PLSCR5: variants seen among roughly 807,000 people sequenced by gnomAD.
PLSCR5 encodes phospholipid scramblase family, member 5.
A neutral mutation model predicts 33.6 loss-of-function variants in PLSCR5; 44 were observed. That is an observed-to-expected ratio of 1.31 (90% CI 1.03 to 1.69). The LOEUF is 1.69. Ranked by LOEUF, PLSCR5 falls within the 40% of genes most tolerant of loss-of-function variation. The pLI, the probability that PLSCR5 is intolerant of heterozygous loss-of-function variation, is 0.00. For missense variants in PLSCR5, 375 were observed against 318.7 expected, an observed-to-expected ratio of 1.18 and a Z score of -1.34; for synonymous variants, 148 against 112.3, an observed-to-expected ratio of 1.32 and a Z score of -2.01.
intron 7 of PLSCR5, among the ~76,000 whole-genome samples, chr3:146,577,412 A>G (rs945073727): frequency 1.3e-5 from 2 of 152,130 alleles, no homozygotes; most frequent in African/African-American, 4.8e-5. Context: ...ACCAAAAATG[A>G]GTGGATTTTC....
chr3:146,586,293 G>A (rs1024428660), intron 6 of PLSCR5, among the ~76,000 whole-genome samples, 181 bp from the exon 7 acceptor site: 1 of 152,134 alleles, frequency 6.6e-6, no homozygotes, highest in African/African-American at 2.4e-5. Flanking sequence ...TTATTTTCAT[G>A]TTGAATTTTC....
chr3:146,604,719 G>C (rs529738139), intron 1 of PLSCR5, among the ~76,000 whole-genome samples: 1 of 151,966 alleles, frequency 6.6e-6, no homozygotes, highest in East Asian at 1.9e-4. Flanking sequence ...AATTCACATT[G>C]CCTGCTTGTA....
intron 2 of PLSCR5, among the ~76,000 whole-genome samples, chr3:146,599,804 G>A (rs531190450): frequency 2.8e-4 from 43 of 151,556 alleles, no homozygotes; most frequent in African/African-American, 9.4e-4. Context: ...TCAGCATCCC[G>A]AGTAGCTAGG....
At chr3:146,584,825 C>T (rs1201681744), downstream of PLSCR5, among the ~76,000 whole-genome samples, 10 of 152,110 alleles carry the variant, frequency 6.6e-5, no homozygotes. Context: ...AAATGATCAT[C>T]TCCTAATTTC....
At chr3:146,593,798 C>T in intron 4 of PLSCR5, 122 bp downstream of exon 4, 1 of 896,314 alleles carries the variant, frequency 1.1e-6, no homozygotes, top group Non-Finnish European at 1.7e-6. Context: ...AAAGGAGCAA[C>T]ATACTATTAA....
intron 4 of PLSCR5, among the ~76,000 whole-genome samples, chr3:146,593,258 T>A (rs924730580): frequency 6.6e-6 from 1 of 152,150 alleles, no homozygotes; most frequent in Non-Finnish European, 1.5e-5. Flanking sequence ...TCCTAGAGAT[T>A]TCATGATTCT....
At chr3:146,593,792 G>A (rs975770600) in intron 4 of PLSCR5, 128 bp downstream of exon 4, 1 of 853,568 alleles carries the variant, frequency 1.2e-6, no homozygotes. Context: ...GATCCTAAAG[G>A]AGCAACATAC....
rs780618057 is a variant in PLSCR5, at chr3:146,591,796, T to A, written c.539A>T (p.Asn180Ile). 1.2e-6 allele frequency: 2 copies of A among 1,612,302 alleles called. No individual in the cohort carries two copies. Among genetic ancestry groups the A allele is most frequent in the Non-Finnish European group, 1.7e-6 (2 of 1,178,984 alleles). The change falls in exon 5 of 8, where the codon AAT becomes ATT. Residue 180 changes from asparagine to isoleucine, a missense_variant. Asn to Ile is a moderately radical substitution (Grantham distance 149). Transcript: ENST00000443512. ...TTTCAAAATATCTTCTTTGTTTGCA[T>A]TTTGGATTGTGAATTTAGGCAGAAA... ...DPFLPKFTIQNANKEDILKIV... is the reference protein window; with the variant it reads ...DPFLPKFTIQIANKEDILKIV...
At chr3:146,604,438 A>G (rs1050578226) in intron 1 of PLSCR5, among the ~76,000 whole-genome samples, 3 of 152,118 alleles carry the variant, frequency 2.0e-5, no homozygotes, top group Non-Finnish European at 4.4e-5. Context: ...CTGTGCGCTT[A>G]AAGCAGATAT....
chr3:146,601,132 T>C (rs1158338441), intron 1 of PLSCR5, among the ~76,000 whole-genome samples: 5 of 151,634 alleles, frequency 3.3e-5, no homozygotes, highest in Admixed American at 2.0e-4. Context: ...AGAAGACATC[T>C]GTTTTCTATA....
In PLSCR5 at chr3:146,589,804, A is replaced by T. The variant is rs200251288; in HGVS notation, c.626T>A (p.Ile209Asn). Residue 209 changes from isoleucine to asparagine, a missense_variant, in exon 6 of 8, where the codon ATT (isoleucine) becomes AAT (asparagine). By Grantham distance (149) the Ile-to-Asn change is moderately radical. Transcript: ENST00000443512. ...FGDVDFEVKT[I>N]NEKLTIGKIS... The stretch of plus-strand genomic sequence containing the variant: ...CTTCCCAATTGTAAGCTTTTCATTA[A>T]TGGTTTTCACCTTTAGAAAGAAAAT... 36 of 1,543,922 alleles carry T rather than the reference A, an allele frequency of 2.3e-5. No homozygotes were observed. The African/African-American group carries it at 2.9e-4, about 12-fold the overall frequency.
At chr3:146,595,330 C>A (rs1388055525) in intron 2 of PLSCR5, among the ~76,000 whole-genome samples, 1 of 152,024 alleles carries the variant, frequency 6.6e-6, no homozygotes, top group African/African-American at 2.4e-5. Flanking sequence ...ATAAGAATAG[C>A]AACGGGGCTG....
chr3:146,579,665 A>G (rs1439800074), intron 7 of PLSCR5, among the ~76,000 whole-genome samples: 4 of 152,212 alleles, frequency 2.6e-5, no homozygotes, highest in African/African-American at 9.6e-5. Context: ...ATACTTGTCA[A>G]TTCGCTCAGA....
At position 146,587,893 on chromosome 3, in the gene PLSCR5, C is replaced by T. The variant is rs1378641258; in HGVS notation, c.777+1760G>A. Reference sequence around the variant, plus strand: ...ATATGTATATATGCATATATATATACATATATATCTATGTATTAAATTCTG... The same window carrying T: ...ATATGTATATATGCATATATATATATATATATATCTATGTATTAAATTCTG... On this transcript the variant is annotated intron_variant, in intron 6 of 7. Transcript: ENST00000443512. Among the ~76,000 whole-genome samples the T allele has an allele frequency of 1.3e-4, 20 of 151,290 alleles. 1 individual carries two copies. Among genetic ancestry groups the T allele is most frequent in the Non-Finnish European group, 1.5e-5 (1 of 67,878 alleles).
At chr3:146,594,162 T>A (rs918874926) in intron 3 of PLSCR5, 22 bp from the exon 4 acceptor site, 1 of 1,542,120 alleles carries the variant, frequency 6.5e-7, no homozygotes, top group Non-Finnish European at 8.9e-7. Flanking sequence ...AAAAAAAAAT[T>A]ATAAAAACAT....
rs1576826375 is a variant in PLSCR5 at position 146,605,205 on chromosome 3, G to A, written c.8C>T (p.Ser3Phe). 1.2e-6 allele frequency: 2 copies of A among 1,610,906 alleles called. No homozygotes were observed. Among genetic ancestry groups the A allele is most frequent in the Middle Eastern group, 1.7e-4 (1 of 6,038 alleles). The change falls in exon 1 of 8, where the codon TCT becomes TTT. Residue 3 changes from serine to phenylalanine, a missense_variant. By Grantham distance (155) the Ser-to-Phe change is radical. Transcript: ENST00000443512. Reference sequence around the variant, plus strand: ...TTGGTTATATTTACTCTTACCTTTAGAGGCCATGAAGATGTCTGAGTCACT... The same window carrying A: ...TTGGTTATATTTACTCTTACCTTTAAAGGCCATGAAGATGTCTGAGTCACT... MASKDAQNQRRGL... is the reference protein window; with the variant it reads MAFKDAQNQRRGL...
rs2044740287 is a variant in PLSCR5, at chr3:146,594,236, GATCAATT to G, written c.233-103_233-97del. On this transcript the variant is annotated intron_variant, in intron 3 of 7. Coordinates refer to ENST00000443512, the MANE Select transcript of PLSCR5 (RefSeq NM_001085420.2). ...ATGTTATTAAAAGAATACAGTGTCTGATCAATTATTAAATATATGGTATCTTCTTCAC... is the reference window on the plus strand; with the variant it reads ...ATGTTATTAAAAGAATACAGTGTCTGATTAAATATATGGTATCTTCTTCAC... 11 of 844,488 alleles carry G rather than the reference GATCAATT, an allele frequency of 1.3e-5. No homozygotes were observed. In the East Asian group the frequency reaches 1.6e-4, roughly 12 times the overall value. 52.3% of individuals were successfully genotyped at this position (844,488 alleles called of 1,614,324 possible). A position where few individuals can be genotyped will look rare whatever the true frequency, so the allele number is the denominator to read the frequency against.
Position 146,600,371 on chromosome 3 carries a change from G to C in PLSCR5, c.106C>G (p.Gln36Glu). 1.2e-6 allele frequency: 2 copies of C among 1,610,076 alleles called. No individual in the cohort carries two copies. Among genetic ancestry groups the C allele is most frequent in the Non-Finnish European group, 1.7e-6 (2 of 1,177,950 alleles). The change falls in exon 2 of 8, where the codon CAA becomes GAA. Residue 36 changes from glutamine to glutamate, a missense_variant. Physicochemically the swap from Gln to Glu is conservative, Grantham distance 29. Transcript: ENST00000443512. ...SLPASSNPGN[Q>E]AWQLSLPLPS... ...AGAGGGAGACTCAGCTGCCATGCTTGGTTCCCTGGATTGGAAGAGGCAGGA... is the reference window on the plus strand; with the variant it reads ...AGAGGGAGACTCAGCTGCCATGCTTCGTTCCCTGGATTGGAAGAGGCAGGA...
intron 6 of PLSCR5, 150 bp downstream of exon 6, chr3:146,589,503 T>A: frequency 1.4e-6 from 1 of 733,300 alleles, no homozygotes; most frequent in Non-Finnish European, 1.9e-6. Flanking sequence ...TAAATTCTAA[T>A]TTTTGAAGAA....
Sources: allele counts gnomAD v4.1 joint callset (sites outside exome capture counted in the v4.1 genomes callset), GRCh38; gene constraint gnomAD v4.1.1; transcripts MANE v1.5; gene names NCBI Gene and HGNC (gene_info 2026-07-23, HGNC 2026-07-21).